Variants in TTC13 observed in about 807,000 individuals in gnomAD.
The protein encoded by TTC13 is tetratricopeptide repeat domain 13.
In TTC13, 62 loss-of-function variants were observed where a neutral mutation model predicts 120.0. The observed-to-expected ratio is 0.52, with a 90% CI of 0.42 to 0.64. The LOEUF (loss-of-function observed/expected upper bound fraction) is 0.64, where lower values mean the gene tolerates loss of function less well. TTC13 is among the 30% of genes least tolerant of loss of function. The pLI is 0.00. For missense variants in TTC13, 824 were observed against 1,050.2 expected, an observed-to-expected ratio of 0.78 and a Z score of 2.98; for synonymous variants, 384 against 393.5, an observed-to-expected ratio of 0.98 and a Z score of 0.28.
chr1:230,931,907 G>A, intron 9 of TTC13, 30 bp from the exon 10 acceptor site: 1 of 1,601,750 alleles, frequency 6.2e-7, no homozygotes. Context: ...TATGAATACA[G>A]TATAGATATT....
chr1:230,919,999 C>A (rs1177293985), intron 17 of TTC13, among the ~76,000 whole-genome samples: 5 of 152,214 alleles, frequency 3.3e-5, no homozygotes, highest in Admixed American at 1.3e-4. Context: ...GCCTCCTTCT[C>A]TCCTATACTC....
At position 230,978,136 on chromosome 1, in the gene TTC13, C is replaced by CG. The variant is rs915666761; in HGVS notation, c.271+423dup. ...CTAAGATGTGCCAGGCGTCTCCCTCCGGGGGCGGGCTCCGCAAGCCGCCGG... is the reference window on the plus strand; with the variant it reads ...CTAAGATGTGCCAGGCGTCTCCCTCCGGGGGGCGGGCTCCGCAAGCCGCCGG... On this transcript the variant is annotated intron_variant, in intron 1 of 22. Transcript: ENST00000366661. The surrounding 1 kb of genome is among the most constrained non-coding windows in gnomAD (Gnocchi z 5.6). Among the ~76,000 whole-genome samples the CG allele has an allele frequency of 2.0e-5, 3 of 152,214 alleles. No homozygotes were observed. The highest frequency in any genetic ancestry group is 4.4e-5 in the Non-Finnish European group (3 of 68,034).
intron 13 of TTC13, among the ~76,000 whole-genome samples, 196 bp from the exon 14 acceptor site, chr1:230,925,169 A>G (rs1672948055): frequency 6.6e-6 from 1 of 152,208 alleles, no homozygotes; most frequent in Non-Finnish European, 1.5e-5. Flanking sequence ...AACTGAAGAC[A>G]ACTCAAGTTG....
intron 8 of TTC13, among the ~76,000 whole-genome samples, chr1:230,934,171 T>C (rs1673825767): frequency 6.6e-6 from 1 of 152,148 alleles, no homozygotes; most frequent in Non-Finnish European, 1.5e-5. Flanking sequence ...TCATTTCACC[T>C]TCATATTATT....
In TTC13 at chr1:230,954,317, T is replaced by A; in HGVS notation, c.513+16A>T. ...GACCATAAACTCAAAATTACATAAA[T>A]AAGAAGAAAATTTACCTGAAGCATT... On this transcript the variant is annotated intron_variant, in intron 4 of 22. Coordinates refer to ENST00000366661, the MANE Select transcript of TTC13 (RefSeq NM_024525.5). The A allele has an allele frequency of 6.2e-7, 1 of 1,601,238 alleles. No individual in the cohort carries two copies. The highest frequency in any genetic ancestry group is 8.5e-7 in the Non-Finnish European group (1 of 1,170,170).
At chr1:230,969,861 C>T (rs1283592252) in intron 1 of TTC13, among the ~76,000 whole-genome samples, 1 of 152,222 alleles carries the variant, frequency 6.6e-6, no homozygotes, top group Non-Finnish European at 1.5e-5. Flanking sequence ...TTAGTATAGG[C>T]TTATAGGCTA....
intron 11 of TTC13, among the ~76,000 whole-genome samples, chr1:230,930,527 C>T (rs1328223972): frequency 6.6e-6 from 1 of 152,144 alleles, no homozygotes; most frequent in Non-Finnish European, 1.5e-5. Flanking sequence ...AAAAGGGTAA[C>T]TGCAAGATTT....
At chr1:230,954,488 C>A in intron 3 of TTC13, 85 bp from the exon 4 acceptor site, 1 of 1,057,218 alleles carries the variant, frequency 9.5e-7, no homozygotes, top group Non-Finnish European at 1.4e-6. Flanking sequence ...GGTAAATCTC[C>A]AAAGGCAGCT....
intron 4 of TTC13, among the ~76,000 whole-genome samples, chr1:230,947,349 C>T (rs915565620): frequency 2.0e-5 from 3 of 152,044 alleles, no homozygotes; most frequent in Non-Finnish European, 4.4e-5. Context: ...GTAAGACTGG[C>T]GTCATGCTTT....
intron 3 of TTC13, chr1:230,956,601 A>C: frequency 5.2e-6 from 2 of 385,086 alleles, no homozygotes; most frequent in Non-Finnish European, 1.0e-5. Context: ...ATAAAAACAA[A>C]TATGATTTTT....
chr1:230,912,569 A>C (rs1671608399), intron 19 of TTC13, 54 bp downstream of exon 19: 6 of 1,587,428 alleles, frequency 3.8e-6, no homozygotes, highest in Non-Finnish European at 4.3e-6. Flanking sequence ...GGTTCAAAAA[A>C]TTTACAAAAG....
At chr1:230,971,531 G>A (rs7539475) in intron 1 of TTC13, among the ~76,000 whole-genome samples, 108,969 of 151,970 alleles carry the variant, frequency 0.72, 39,416 homozygotes, top group South Asian at 0.82. Flanking sequence ...ATGTATTATC[G>A]TAAAGCAAAT....
At chr1:230,922,329 C>T (rs567322797) in intron 15 of TTC13, among the ~76,000 whole-genome samples, 3 of 152,268 alleles carry the variant, frequency 2.0e-5, no homozygotes, top group South Asian at 2.1e-4. Context: ...GCTTTTGAGG[C>T]CTTTGCACTT....
At chr1:230,936,419 C>T (rs1370667577) in intron 8 of TTC13, 1 of 367,662 alleles carries the variant, frequency 2.7e-6, no homozygotes, top group African/African-American at 2.1e-5. Context: ...ATCTTTCTTA[C>T]TAGTTGACAG....
At chr1:230,941,230 G>T (rs1674509170) in intron 6 of TTC13, among the ~76,000 whole-genome samples, 1 of 152,072 alleles carries the variant, frequency 6.6e-6, no homozygotes, top group Non-Finnish European at 1.5e-5. Flanking sequence ...ATCCAAAATG[G>T]GTATCAGTGT....
intron 4 of TTC13, among the ~76,000 whole-genome samples, chr1:230,951,654 G>T (rs4846886): frequency 0.68 from 102,907 of 152,016 alleles, 34,923 homozygotes; most frequent in Admixed American, 0.72. Flanking sequence ...TCATCACTAT[G>T]CTGAAATACT....
intron 8 of TTC13, chr1:230,936,360 C>T: frequency 5.0e-6 from 2 of 399,864 alleles, no homozygotes; most frequent in Non-Finnish European, 9.8e-6. Context: ...TATGAACTGG[C>T]TCTGAATTAA....
rs143054617 is a variant in TTC13, at chr1:230,908,844, G to A, written c.2389-53C>T. 4.8e-4 allele frequency: 763 copies of A among 1,604,536 alleles called. 3 individuals are homozygous for A. Among genetic ancestry groups the A allele is most frequent in the African/African-American group, 4.2e-3 (313 of 74,754 alleles). On this transcript the variant is annotated intron_variant, in intron 21 of 22. Transcript: ENST00000366661. Reference sequence around the variant, plus strand: ...TACTAAACATGGAGGACACAGGCTCGGCTGGAGATCTATGTAACTCGTGTA... The same window carrying A: ...TACTAAACATGGAGGACACAGGCTCAGCTGGAGATCTATGTAACTCGTGTA...
chr1:230,920,219 G>A lies in TTC13; in HGVS notation c.1983+291C>T, dbSNP rs190406338. 423 of 227,994 alleles carry A rather than the reference G, an allele frequency of 1.9e-3. 2 individuals are homozygous for A. The highest frequency in any genetic ancestry group is 9.3e-3 in the African/African-American group (397 of 42,910). The allele number at this position is 227,994 out of a possible 1,614,324, so 14.1% of individuals were successfully genotyped here. On this transcript the variant is annotated intron_variant, in intron 17 of 22. Coordinates refer to ENST00000366661, the MANE Select transcript of TTC13 (RefSeq NM_024525.5). ...CTAACTTTTGTCCAGTTTTATAACT[G>A]CAATCATGTAGAAGGGCAGCTGAGT...
Sources: allele counts gnomAD v4.1 joint callset (sites outside exome capture counted in the v4.1 genomes callset), GRCh38; gene constraint gnomAD v4.1.1; non-coding constraint Gnocchi (gnomAD v3.1); transcripts MANE v1.5; gene names NCBI Gene and HGNC (gene_info 2026-07-23, HGNC 2026-07-21).